CNTNAP5: variants seen among roughly 807,000 people sequenced by gnomAD.
The protein encoded by CNTNAP5 is contactin associated protein family member 5.
Under a neutral mutation model 150.2 loss-of-function variants are expected in CNTNAP5, and 72 were observed. The observed-to-expected ratio is 0.48, with a 90% CI of 0.40 to 0.58. CNTNAP5 has a LOEUF of 0.58. CNTNAP5 is among the 20% of genes least tolerant of loss of function. The pLI is 0.00. For missense variants in CNTNAP5, 1,636 were observed against 1,626.2 expected, an observed-to-expected ratio of 1.01 and a Z score of -0.10; for synonymous variants, 672 against 619.8, an observed-to-expected ratio of 1.08 and a Z score of -1.25.
intron 19 of CNTNAP5, among the ~76,000 whole-genome samples, chr2:124,851,778 A>G (rs1683161361): frequency 6.6e-6 from 1 of 152,184 alleles, no homozygotes; most frequent in African/African-American, 2.4e-5. Context: ...GCTGAGATTA[A>G]GAGGAGGGGG....
chr2:124,108,529 T>C (rs1683219095), intron 1 of CNTNAP5, among the ~76,000 whole-genome samples: 1 of 152,164 alleles, frequency 6.6e-6, no homozygotes, highest in African/African-American at 2.4e-5. Flanking sequence ...TAACAGAGTT[T>C]GCACGTATGA....
At chr2:124,162,988 A>G (rs1684722840) in intron 1 of CNTNAP5, among the ~76,000 whole-genome samples, 1 of 152,118 alleles carries the variant, frequency 6.6e-6, no homozygotes, top group Non-Finnish European at 1.5e-5. Flanking sequence ...AAGTTGACAA[A>G]AAAGGGGACC....
chr2:124,666,769 T>G (rs1366761460), intron 13 of CNTNAP5, among the ~76,000 whole-genome samples: 1 of 152,214 alleles, frequency 6.6e-6, no homozygotes, highest in Non-Finnish European at 1.5e-5. Flanking sequence ...CACCTCACTC[T>G]GCAAGTGCCC....
chr2:124,564,431 C>G (rs1695966208), intron 11 of CNTNAP5, among the ~76,000 whole-genome samples: 1 of 152,176 alleles, frequency 6.6e-6, no homozygotes, highest in Non-Finnish European at 1.5e-5. Flanking sequence ...TCTTGGCTCA[C>G]TGGAACCTCC....
chr2:124,885,858 T>G (rs889095507), intron 21 of CNTNAP5, among the ~76,000 whole-genome samples: 3 of 152,106 alleles, frequency 2.0e-5, no homozygotes, highest in African/African-American at 4.8e-5. Context: ...TTAAAAAATC[T>G]ATTGTCCTTT....
intron 1 of CNTNAP5, among the ~76,000 whole-genome samples, chr2:124,194,732 T>C (rs1685542546): frequency 6.6e-6 from 1 of 150,892 alleles, no homozygotes; most frequent in Non-Finnish European, 1.5e-5. Context: ...TAACCTTATA[T>C]ATTATAGGTA....
At chr2:124,740,664 T>C (rs1680479332) in intron 13 of CNTNAP5, among the ~76,000 whole-genome samples, 1 of 152,216 alleles carries the variant, frequency 6.6e-6, no homozygotes, top group Admixed American at 6.5e-5. Flanking sequence ...TTCACGTGAT[T>C]TATACCTAAT....
rs190145395 is a variant in CNTNAP5, at chr2:124,531,712, C to T, written c.1649+4256C>T. ...TCAAGAGTCAAGCACTGTGTGTATT[C>T]TCTCCTTGGTACTATCTAGCAAGGA... On this transcript the variant is annotated intron_variant, in intron 10 of 23. Coordinates refer to ENST00000682447, the MANE Select transcript of CNTNAP5 (RefSeq NM_001367498.1). Among the ~76,000 whole-genome samples, 136 of 152,278 alleles carry T rather than the reference C, an allele frequency of 8.9e-4. 1 individual carries two copies. The highest frequency in any genetic ancestry group is 8.8e-3 in the Admixed American group (134 of 15,276).
chr2:124,124,405 G>A (rs1467581803), intron 1 of CNTNAP5, among the ~76,000 whole-genome samples: 1 of 152,116 alleles, frequency 6.6e-6, no homozygotes, highest in African/African-American at 2.4e-5. Context: ...AAGAAATATG[G>A]GACTATGTGA....
chr2:124,571,877 T>C (rs1217459306), intron 11 of CNTNAP5, among the ~76,000 whole-genome samples: 1 of 151,410 alleles, frequency 6.6e-6, no homozygotes, highest in Admixed American at 6.6e-5. Flanking sequence ...AGGGAGAAGA[T>C]GGAAAAAAAG....
chr2:124,806,284 T>C (rs1309401825), intron 19 of CNTNAP5, among the ~76,000 whole-genome samples: 8 of 152,178 alleles, frequency 5.3e-5, no homozygotes, highest in Admixed American at 4.6e-4. Flanking sequence ...GGAAATGCCC[T>C]ATAGAATCCA....
intron 3 of CNTNAP5, among the ~76,000 whole-genome samples, chr2:124,352,951 GC>G (rs1689909422): frequency 6.6e-6 from 1 of 152,138 alleles, no homozygotes; most frequent in Admixed American, 6.5e-5. Context: ...GATGCTTTGG[GC>G]CTCTGTCAAG....
chr2:124,385,515 C>T (rs1217465485), intron 3 of CNTNAP5, among the ~76,000 whole-genome samples: 1 of 152,210 alleles, frequency 6.6e-6, no homozygotes, highest in African/African-American at 2.4e-5. Context: ...CCCCATAAGA[C>T]TATATTCTCT....
chr2:124,670,869 T>C (rs1025407166), intron 13 of CNTNAP5, among the ~76,000 whole-genome samples: 2 of 152,198 alleles, frequency 1.3e-5, no homozygotes, highest in Non-Finnish European at 2.9e-5. Flanking sequence ...GGGCCCCTTT[T>C]TTCCACTTTA....
chr2:124,070,919 T>G (rs758202560), intron 1 of CNTNAP5, among the ~76,000 whole-genome samples: 1 of 152,026 alleles, frequency 6.6e-6, no homozygotes, highest in African/African-American at 2.4e-5. Flanking sequence ...AGCACACAGA[T>G]TATTCTCAAG....
intron 3 of CNTNAP5, among the ~76,000 whole-genome samples, chr2:124,333,994 C>T (rs1689412244): frequency 6.6e-6 from 1 of 152,036 alleles, no homozygotes; most frequent in African/African-American, 2.4e-5. Flanking sequence ...TCTTACAGTA[C>T]AAAGTAGCCC....
intron 3 of CNTNAP5, among the ~76,000 whole-genome samples, chr2:124,307,936 T>C (rs1370384324): frequency 2.6e-5 from 4 of 152,122 alleles, no homozygotes; most frequent in South Asian, 2.1e-4. Flanking sequence ...ACCTACAATA[T>C]ATGACAAAGC....
At chr2:124,769,644 T>A (rs1178007875) in intron 16 of CNTNAP5, among the ~76,000 whole-genome samples, 1 of 152,332 alleles carries the variant, frequency 6.6e-6, no homozygotes, top group East Asian at 1.9e-4. Context: ...GGATGTATCA[T>A]TCATTCTCTC....
At chr2:124,343,409 T>C (rs1228835074) in intron 3 of CNTNAP5, among the ~76,000 whole-genome samples, 1 of 152,158 alleles carries the variant, frequency 6.6e-6, no homozygotes, top group African/African-American at 2.4e-5. Flanking sequence ...TTAATATCTT[T>C]TTAGGGGGAA....
Sources: gnomAD v4.1 joint callset for allele counts (sites outside exome capture counted in the v4.1 genomes callset) on GRCh38, gnomAD v4.1.1 for gene constraint, MANE v1.5 for transcripts, NCBI Gene and HGNC (gene_info 2026-07-23, HGNC 2026-07-21) for gene names.